The following DRC9 variants were observed in gnomAD, a reference collection of about 807,000 sequenced individuals.
DRC9 encodes the protein dynein regulatory complex protein 9.
the DRC9 span, among the ~76,000 whole-genome samples, chr3:197,939,995 TA>T: frequency 1.3e-4 from 20 of 151,418 alleles, no homozygotes; most frequent in African/African-American, 3.4e-4. Context: ...GTTGACGCAC[TA>T]AAAAAAATTT....
chr3:197,913,642 T>G, the DRC9 span: 4 of 600,618 alleles, frequency 6.7e-6, no homozygotes, highest in Non-Finnish European at 1.2e-5. Flanking sequence ...GGAGAGAAAG[T>G]GCAGCCAATT....
chr3:197,951,572 C>T, the DRC9 span: 1 of 450,764 alleles, frequency 2.2e-6, no homozygotes, highest in East Asian at 4.6e-5. Flanking sequence ...AGGCTGGTCC[C>T]AAACTCCTGA....
At chr3:197,938,862 A>G in the DRC9 span, 3 of 998,554 alleles carry the variant, frequency 3.0e-6, no homozygotes, top group Non-Finnish European at 1.5e-6. Flanking sequence ...ACATTTTTCA[A>G]CATTATCTTC....
the DRC9 span, among the ~76,000 whole-genome samples, chr3:197,941,232 T>G: frequency 8.4e-6 from 1 of 119,338 alleles, no homozygotes; most frequent in Admixed American, 9.4e-5. Context: ...CTCCCTTCCC[T>G]TCCCTCTCCC....
chr3:197,890,545 C>G, the DRC9 span, among the ~76,000 whole-genome samples: 1 of 152,152 alleles, frequency 6.6e-6, no homozygotes, highest in Non-Finnish European at 1.5e-5. Context: ...TCTTGAATAT[C>G]TTGGTTTTAG....
At chr3:197,943,811 G>A in the DRC9 span, 25 of 1,613,950 alleles carry the variant, frequency 1.5e-5, no homozygotes, top group African/African-American at 4.0e-5. Flanking sequence ...CGTACTGAAC[G>A]GGCATGATGT....
chr3:197,920,228 A>T, the DRC9 span, among the ~76,000 whole-genome samples: 1 of 151,896 alleles, frequency 6.6e-6, no homozygotes, highest in East Asian at 1.9e-4. Context: ...ATAAAATAAA[A>T]TAAATTAACA....
chr3:197,914,774 G>A, the DRC9 span, among the ~76,000 whole-genome samples: 1 of 152,132 alleles, frequency 6.6e-6, no homozygotes, highest in African/African-American at 2.4e-5. Flanking sequence ...AAATAACAAG[G>A]GAGGAGTACA....
chr3:197,891,382 GA>G, the DRC9 span: 1 of 832,072 alleles, frequency 1.2e-6, no homozygotes, highest in Admixed American at 1.8e-5. Context: ...TAATGAATTG[GA>G]AATGCTTTTG....
chr3:197,923,124 A>G, the DRC9 span, among the ~76,000 whole-genome samples: 1 of 152,108 alleles, frequency 6.6e-6, no homozygotes, highest in African/African-American at 2.4e-5. Context: ...AAAAAAGTCT[A>G]GTGACTTTGT....
chr3:197,946,388 T>C, the DRC9 span, among the ~76,000 whole-genome samples: 37 of 136,684 alleles, frequency 2.7e-4, no homozygotes, highest in African/African-American at 1.1e-3. Flanking sequence ...TGAGCCGAGA[T>C]CGCGCCACTG....
the DRC9 span, among the ~76,000 whole-genome samples, chr3:197,941,744 G>T: frequency 2.6e-5 from 4 of 151,108 alleles, no homozygotes; most frequent in African/African-American, 9.8e-5. Context: ...TATTTTCTTG[G>T]TAGAGACAGG....
At chr3:197,951,065 T>A in the DRC9 span, 29 of 1,600,098 alleles carry the variant, frequency 1.8e-5, no homozygotes, top group Middle Eastern at 1.7e-4. Flanking sequence ...AAAACTTAGA[T>A]GTTTGCTCTG....
chr3:197,960,077 G>C, the DRC9 span: 6 of 671,124 alleles, frequency 8.9e-6, no homozygotes, highest in African/African-American at 1.8e-5. Context: ...CGCGATGGAC[G>C]TGATCGCCGC....
chr3:197,922,342 T>C, the DRC9 span, among the ~76,000 whole-genome samples: 2 of 151,998 alleles, frequency 1.3e-5, no homozygotes, highest in African/African-American at 4.8e-5. Flanking sequence ...AGAATGGGAG[T>C]TAACTGGCAA....
At chr3:197,948,830 T>A in the DRC9 span, among the ~76,000 whole-genome samples, 4 of 152,194 alleles carry the variant, frequency 2.6e-5, no homozygotes, top group Non-Finnish European at 5.9e-5. Context: ...TTAAATATAT[T>A]CAGAATTCCA....
the DRC9 span, among the ~76,000 whole-genome samples, chr3:197,926,998 C>T: frequency 1.4e-4 from 21 of 152,152 alleles, no homozygotes; most frequent in African/African-American, 5.1e-4. Context: ...GGTTCAAACT[C>T]AGGACTGTCG....
chr3:197,891,951 G>A, the DRC9 span, among the ~76,000 whole-genome samples: 2 of 152,114 alleles, frequency 1.3e-5, no homozygotes, highest in African/African-American at 4.8e-5. Flanking sequence ...GTGCAGTGGC[G>A]CAGTGTTGGC....
At chr3:197,956,099 G>A in the DRC9 span, 1 of 322,130 alleles carries the variant, frequency 3.1e-6, no homozygotes, top group Non-Finnish European at 6.0e-6. Flanking sequence ...TGGGACCACA[G>A]GCTCATGCCA....
Sources: gnomAD v4.1 joint callset for allele counts (sites outside exome capture counted in the v4.1 genomes callset) on GRCh38, gnomAD v4.1.1 for gene constraint, MANE v1.5 for transcripts, NCBI Gene and HGNC (gene_info 2026-07-23, HGNC 2026-07-21) for gene names.